Variants in PDE8A observed in about 807,000 individuals in gnomAD.
The protein encoded by PDE8A is phosphodiesterase 8A.
PDE8A carries 59 observed loss-of-function variants against 105.0 expected under a neutral mutation model. That is an observed-to-expected ratio of 0.56 (90% CI 0.46 to 0.70). The LOEUF (loss-of-function observed/expected upper bound fraction) is 0.70, where lower values mean the gene tolerates loss of function less well. PDE8A is among the 30% of genes least tolerant of loss of function. The pLI, the probability that PDE8A is intolerant of heterozygous loss-of-function variation, is 0.00. For missense variants in PDE8A, 1,014 were observed against 1,045.9 expected, an observed-to-expected ratio of 0.97 and a Z score of 0.42; for synonymous variants, 355 against 371.9, an observed-to-expected ratio of 0.95 and a Z score of 0.52.
At chr15:85,017,632 A>T (rs943517134) in intron 1 of PDE8A, among the ~76,000 whole-genome samples, 2 of 152,150 alleles carry the variant, frequency 1.3e-5, no homozygotes, top group Non-Finnish European at 2.9e-5. Flanking sequence ...CACGCCTGTA[A>T]TCCCAACACT....
At chr15:85,098,458 A>G (rs1196305785) in intron 9 of PDE8A, among the ~76,000 whole-genome samples, 1 of 152,222 alleles carries the variant, frequency 6.6e-6, no homozygotes, top group Non-Finnish European at 1.5e-5. Context: ...GGACATTCCT[A>G]TATAAAACAG....
intron 1 of PDE8A, among the ~76,000 whole-genome samples, chr15:85,054,473 A>G (rs2141426524): frequency 6.6e-6 from 1 of 152,172 alleles, no homozygotes; most frequent in Middle Eastern, 3.4e-3. Context: ...TTGGTAGGCT[A>G]TTATTGCCTC....
chr15:84,982,616 C>T (rs1046342237), intron 1 of PDE8A, among the ~76,000 whole-genome samples: 1 of 152,168 alleles, frequency 6.6e-6, no homozygotes, highest in African/African-American at 2.4e-5. Context: ...ACATCCGACT[C>T]CCGGAGCGGC....
At chr15:85,014,110 A>T (rs1416112572) in intron 1 of PDE8A, among the ~76,000 whole-genome samples, 1 of 152,058 alleles carries the variant, frequency 6.6e-6, no homozygotes, top group East Asian at 1.9e-4. Context: ...TGATAATCAC[A>T]TCTTTCTTTC....
intron 1 of PDE8A, among the ~76,000 whole-genome samples, chr15:84,992,486 C>A (rs539694678): frequency 1.1e-4 from 17 of 152,048 alleles, no homozygotes; most frequent in Non-Finnish European, 2.1e-4. Context: ...CAGAGAACTC[C>A]CAAAGGCATT....
intron 11 of PDE8A, among the ~76,000 whole-genome samples, chr15:85,103,839 G>A (rs780402277): frequency 1.3e-5 from 2 of 152,082 alleles, no homozygotes; most frequent in African/African-American, 4.8e-5. Context: ...TTCACACCTC[G>A]CTTCCTTACC....
chr15:85,019,425 A>T (rs1344835906), intron 1 of PDE8A, among the ~76,000 whole-genome samples: 1 of 152,186 alleles, frequency 6.6e-6, no homozygotes, highest in Non-Finnish European at 1.5e-5. Context: ...CACTTTTAAA[A>T]TTTTATTTTA....
intron 1 of PDE8A, among the ~76,000 whole-genome samples, chr15:85,033,321 G>A (rs1596459804): frequency 6.6e-6 from 1 of 152,302 alleles, no homozygotes; most frequent in East Asian, 1.9e-4. Context: ...GGATGCAGAA[G>A]AGGCTGGATT....
chr15:85,131,519 A>G (rs191247967), intron 20 of PDE8A, among the ~76,000 whole-genome samples: 62 of 152,358 alleles, frequency 4.1e-4, no homozygotes, highest in Non-Finnish European at 6.5e-4. Flanking sequence ...AATTGCATAC[A>G]TGAACTCTTA....
chr15:84,982,454 C>T, intron 1 of PDE8A, 106 bp downstream of exon 1: 2 of 621,312 alleles, frequency 3.2e-6, no homozygotes, highest in East Asian at 3.5e-5. Context: ...GCCTCGGTGC[C>T]CTCTTGTCCC....
intron 19 of PDE8A, among the ~76,000 whole-genome samples, chr15:85,125,691 A>G (rs1043528547): frequency 4.6e-5 from 7 of 152,138 alleles, no homozygotes; most frequent in African/African-American, 1.7e-4. Context: ...TCCATCAAAT[A>G]TGTTAGGTGT....
At chr15:85,079,397 G>A (rs1168113458) in intron 5 of PDE8A, among the ~76,000 whole-genome samples, 1 of 152,142 alleles carries the variant, frequency 6.6e-6, no homozygotes, top group Non-Finnish European at 1.5e-5. Context: ...ACTTTATTCT[G>A]GGGGTAATTG....
At chr15:85,108,968 T>C in intron 11 of PDE8A, 85 bp from the exon 12 acceptor site, 1 of 931,682 alleles carries the variant, frequency 1.1e-6, no homozygotes, top group African/African-American at 1.6e-5. Context: ...AAGTTGAGAG[T>C]TTTAAAAAAA....
At chr15:85,014,423 C>T (rs1596443724) in intron 1 of PDE8A, among the ~76,000 whole-genome samples, 1 of 152,154 alleles carries the variant, frequency 6.6e-6, no homozygotes, top group African/African-American at 2.4e-5. Context: ...AGAGAAGCTC[C>T]TCTCATTAAC....
At chr15:85,057,260 G>C (rs1474329548) in intron 1 of PDE8A, among the ~76,000 whole-genome samples, 1 of 152,174 alleles carries the variant, frequency 6.6e-6, no homozygotes, top group Non-Finnish European at 1.5e-5. Flanking sequence ...GGGGGTCAGG[G>C]ATCCGCTTGA....
In PDE8A at chr15:85,031,093, C is replaced by T. The variant is rs534531022; in HGVS notation, c.187-33277C>T. Among the ~76,000 whole-genome samples the T allele has an allele frequency of 1.7e-4, 26 of 152,298 alleles. 3 individuals carry two copies. The South Asian group carries it at 5.2e-3, about 30-fold the overall frequency. ...TAAACCTGCTGATTAATACCAACTT[C>T]ATATCCTTCTTGTAAGAAATCTGTA... On this transcript the variant is annotated intron_variant, in intron 1 of 21. Coordinates refer to ENST00000394553, the MANE Select transcript of PDE8A (RefSeq NM_002605.3).
upstream of PDE8A, among the ~76,000 whole-genome samples, chr15:84,981,531 T>C (rs1009268090): frequency 6.6e-6 from 1 of 151,758 alleles, no homozygotes. Context: ...CTCCGAGGGG[T>C]TTCCCTCGGA....
At chr15:85,101,913 GGTTT>G (rs1188349958) in intron 11 of PDE8A, among the ~76,000 whole-genome samples, 2 of 152,194 alleles carry the variant, frequency 1.3e-5, no homozygotes, top group Non-Finnish European at 2.9e-5. Context: ...CAGTCAGGTG[GGTTT>G]GTTTGTTCAC....
At position 85,108,204 on chromosome 15, in the gene PDE8A, C is replaced by T. The variant is rs567553641; in HGVS notation, c.1037-849C>T. Among the ~76,000 whole-genome samples the T allele has an allele frequency of 9.5e-4, 145 of 152,196 alleles. 1 individual carries two copies. The highest frequency in any genetic ancestry group is 9.3e-3 in the Admixed American group (142 of 15,286). On this transcript the variant is annotated intron_variant, in intron 11 of 21. Coordinates refer to ENST00000394553, the MANE Select transcript of PDE8A (RefSeq NM_002605.3). ...GCAAAGAGCAAGTGAAGAGCCTTTT[C>T]GATGGTGCAAAGGAAGTGCTAAGGG... is the stretch of plus-strand genomic sequence containing the variant.
Sources: allele counts gnomAD v4.1 joint callset (sites outside exome capture counted in the v4.1 genomes callset), GRCh38; gene constraint gnomAD v4.1.1; transcripts MANE v1.5; gene names NCBI Gene and HGNC (gene_info 2026-07-23, HGNC 2026-07-21).